Variants in SOX13 observed in about 807,000 individuals in gnomAD.
SOX13 encodes transcription factor SOX-13.
SOX13 carries 28 observed loss-of-function variants against 71.8 expected under a neutral mutation model. The observed-to-expected ratio is 0.39, with a 90% CI of 0.29 to 0.53. The LOEUF (loss-of-function observed/expected upper bound fraction) is 0.53, where lower values mean the gene tolerates loss of function less well. Ranked by LOEUF, SOX13 falls within the 20% of genes least tolerant of loss-of-function variation. The pLI is 0.70. For missense variants in SOX13, 627 were observed against 810.3 expected (o/e 0.77, Z 2.75); for synonymous variants, 309 against 317.8 (o/e 0.97, Z 0.29).
intron 8 of SOX13, 46 bp from the exon 9 acceptor site, chr1:204,122,191 T>C (rs368612011): frequency 7.5e-6 from 11 of 1,472,798 alleles, no homozygotes; most frequent in Non-Finnish European, 9.2e-6. Flanking sequence ...GCTGTGGGAG[T>C]GTCCTTTGGT....
At chr1:204,105,523 A>G (rs58216307) in intron 1 of SOX13, among the ~76,000 whole-genome samples, 11,779 of 151,550 alleles carry the variant, frequency 0.078, 485 homozygotes, top group Middle Eastern at 0.11. Flanking sequence ...CTCCTGCCTC[A>G]GCCTCCTGAG....
In SOX13 at chr1:204,126,290, G is replaced by C. The variant is rs181414192; in HGVS notation, c.*156G>C. 1.2e-6 allele frequency: 1 copy of C among 804,174 alleles called. No individual in the cohort carries two copies. Among genetic ancestry groups the C allele is most frequent in the Admixed American group, 2.6e-5 (1 of 38,966 alleles). The allele number at this position is 804,174 out of a possible 1,614,324, so 49.8% of individuals were successfully genotyped here. On this transcript the variant is annotated 3_prime_UTR_variant, in exon 14 of 14. Transcript: ENST00000367204. ...GCACTTGCAGATACATTCATGAGGG[G>C]AGAGGCGCCCTCCCTTCCTGAGGAG...
At chr1:204,122,514 A>C in intron 9 of SOX13, 115 bp downstream of exon 9, 3 of 820,004 alleles carry the variant, frequency 3.7e-6, no homozygotes, top group Non-Finnish European at 5.8e-6. Context: ...TTATCAAATG[A>C]GGGGTTAGAC....
intron 4 of SOX13, 99 bp downstream of exon 4, chr1:204,114,704 ACCTAT>A: frequency 1.1e-6 from 1 of 896,120 alleles, no homozygotes; most frequent in Non-Finnish European, 1.9e-6. Flanking sequence ...CTTGGTACAT[ACCTAT>A]CCTGTGCCAT....
At chr1:204,101,376 G>A (rs1656357432) in intron 1 of SOX13, among the ~76,000 whole-genome samples, 1 of 152,038 alleles carries the variant, frequency 6.6e-6, no homozygotes, top group South Asian at 2.1e-4. Context: ...TTTAAGAAGG[G>A]CCTTAGATGG....
chr1:204,117,914 C>G, intron 7 of SOX13: 1 of 578,198 alleles, frequency 1.7e-6, no homozygotes, highest in East Asian at 2.8e-5. Context: ...ACCATAAAGC[C>G]CTTTCCAGAT....
intron 1 of SOX13, among the ~76,000 whole-genome samples, chr1:204,107,494 C>T (rs986456736): frequency 3.3e-5 from 5 of 152,048 alleles, no homozygotes; most frequent in African/African-American, 9.7e-5. Flanking sequence ...ATGGGACCGT[C>T]GCTCCCCTCC....
At chr1:204,117,274 G>A (rs1656714309) in intron 6 of SOX13, 84 bp downstream of exon 6, 6 of 1,204,568 alleles carry the variant, frequency 5.0e-6, no homozygotes, top group Non-Finnish European at 1.2e-6. Context: ...GACAGGGGAT[G>A]TGCACCAAGT....
chr1:204,115,653 TC>T lies in SOX13; in HGVS notation c.419-853del, dbSNP rs1656676101. ...GAGCTTTGCATATATTAGCGCTTCTTCTTCTTTTTTTTTTTTTTTTTTTTTT... is the reference window on the plus strand; with the variant it reads ...GAGCTTTGCATATATTAGCGCTTCTTTTCTTTTTTTTTTTTTTTTTTTTTT... On this transcript the variant is annotated intron_variant, in intron 4 of 13. Transcript: ENST00000367204. Among the ~76,000 whole-genome samples, 6 of 130,354 alleles carry T rather than the reference TC, an allele frequency of 4.6e-5. No homozygotes were observed. The South Asian group carries it at 1.5e-3, about 33-fold the overall frequency. 85.5% of individuals were successfully genotyped at this position (130,354 alleles called of 152,430 possible).
rs1470490923 is a variant in SOX13, at chr1:204,112,924, G to A, written c.9G>A (p.Met3Ile). 1.9e-6 allele frequency: 3 copies of A among 1,613,394 alleles called. No homozygotes were observed. The highest frequency in any genetic ancestry group is 1.7e-4 in the Middle Eastern group (1 of 6,056). Reference sequence around the variant, plus strand: ...TCTGTCCCTCCCCCAGGATGTCCATGAGGAGCCCCATCTCTGCCCAGCTGG... The same window carrying A: ...TCTGTCCCTCCCCCAGGATGTCCATAAGGAGCCCCATCTCTGCCCAGCTGG... MS[M>I]RSPISAQLAL... Residue 3 changes from methionine to isoleucine, a missense_variant, in exon 2 of 14, where the codon ATG becomes ATA. Met to Ile is a conservative substitution (Grantham distance 10, BLOSUM62 1). This residue lies in a region of SOX13 where 447 missense variants were observed against 532.2 expected (regional missense o/e 0.84). Transcript: ENST00000367204.
intron 12 of SOX13, 121 bp from the exon 13 acceptor site, chr1:204,124,520 C>T: frequency 1.3e-6 from 1 of 789,282 alleles, no homozygotes; most frequent in Non-Finnish European, 2.1e-6. Context: ...TTGCTAAGTG[C>T]TTGCACATAT....
intron 7 of SOX13, among the ~76,000 whole-genome samples, chr1:204,121,492 C>T (rs1656804162): frequency 6.6e-6 from 1 of 152,178 alleles, no homozygotes; most frequent in African/African-American, 2.4e-5. Flanking sequence ...ATATCACATA[C>T]CATGTATTAT....
chr1:204,074,172 C>G (rs1382348229), intron 1 of SOX13: 1 of 152,228 alleles, frequency 6.6e-6, no homozygotes, highest in African/African-American at 2.4e-5. Flanking sequence ...GCGTGGGGCT[C>G]AGGTGCCTGC....
At chr1:204,114,256 C>T (rs1656643420) in intron 2 of SOX13, 65 bp from the exon 3 acceptor site, 5 of 1,124,410 alleles carry the variant, frequency 4.4e-6, no homozygotes, top group Non-Finnish European at 1.3e-6. Context: ...TTGGGGTGCC[C>T]AGCCCTCCCT....
chr1:204,100,504 TA>T (rs1656338931), intron 1 of SOX13, among the ~76,000 whole-genome samples: 1 of 152,182 alleles, frequency 6.6e-6, no homozygotes, highest in African/African-American at 2.4e-5. Flanking sequence ...AGCATTATAG[TA>T]GATTAAGCTG....
At chr1:204,089,314 A>T (rs540879234) in intron 1 of SOX13, among the ~76,000 whole-genome samples, 1 of 152,050 alleles carries the variant, frequency 6.6e-6, no homozygotes, top group African/African-American at 2.4e-5. Flanking sequence ...CCGTGTGGGG[A>T]GGCACTCCTC....
intron 1 of SOX13, among the ~76,000 whole-genome samples, chr1:204,102,423 G>T (rs1216048717): frequency 6.6e-6 from 1 of 152,176 alleles, no homozygotes; most frequent in Admixed American, 6.5e-5. Flanking sequence ...TGTGTCATCA[G>T]CCGGGGAAGG....
At chr1:204,098,365 T>G (rs1656296208) in intron 1 of SOX13, among the ~76,000 whole-genome samples, 1 of 152,002 alleles carries the variant, frequency 6.6e-6, no homozygotes, top group South Asian at 2.1e-4. Context: ...TAATCCCAGC[T>G]ACTCGGGAGG....
Position 204,113,113 on chromosome 1 carries a change from G to A in SOX13, c.198G>A (p.Gln66=), listed in dbSNP as rs1388246521. The change falls in exon 2 of 14, where the codon CAG becomes CAA. Residue 66 remains glutamine (Q), a synonymous_variant. Transcript: ENST00000367204. The stretch of plus-strand genomic sequence containing the variant: ...GTGCTGACCCCCAAGCTCCAGCCCA[G>A]GGGAATTTCAGGGGCTCCTGGGTCA... ...QDSADPQAPA[Q]GNFRGSWDCS... The A allele has an allele frequency of 1.3e-6, 2 of 1,566,644 alleles. No homozygotes were observed. The highest frequency in any genetic ancestry group is 1.9e-5 in the Admixed American group (1 of 52,804).
Sources: allele counts gnomAD v4.1 joint callset (sites outside exome capture counted in the v4.1 genomes callset), GRCh38; gene constraint gnomAD v4.1.1; regional missense constraint gnomAD v4.1.1; transcripts MANE v1.5; gene names NCBI Gene and HGNC (gene_info 2026-07-23, HGNC 2026-07-21).